The following UNC5C variants were observed in gnomAD, a reference collection of about 807,000 sequenced individuals.
UNC5C encodes netrin receptor UNC5C.
Under a neutral mutation model 99.8 loss-of-function variants are expected in UNC5C, and 47 were observed. The observed-to-expected ratio is 0.47, with a 90% CI of 0.37 to 0.60. UNC5C has a LOEUF of 0.60. Ranked by LOEUF, UNC5C falls within the 20% of genes least tolerant of loss-of-function variation. UNC5C has a pLI of 0.00. For missense variants in UNC5C, 1,062 were observed against 1,165.9 expected (o/e 0.91, Z 1.30); for synonymous variants, 487 against 452.2 (o/e 1.08, Z -0.98).
At chr4:95,365,067 G>A (rs916395099) in intron 1 of UNC5C, among the ~76,000 whole-genome samples, 1 of 151,316 alleles carries the variant, frequency 6.6e-6, no homozygotes, top group African/African-American at 2.4e-5. Context: ...GTCCGAGAAA[G>A]GCGGATCACC....
Position 95,525,596 on chromosome 4 carries a change from T to TAAAAAAAAAAAAAAAA in UNC5C, c.124+23122_124+23137dup, listed in dbSNP as rs574532435. On this transcript the variant is annotated intron_variant, in intron 1 of 15. Coordinates refer to ENST00000453304, the MANE Select transcript of UNC5C (RefSeq NM_003728.4). ...ATAGCAGTGTGCAAAGCCTATTTCT[T>TAAAAAAAAAAAAAAAA]AAAAAAAAAAAAAAAAAAAAAAGAC... Among the ~76,000 whole-genome samples, 828 of 102,048 alleles carry TAAAAAAAAAAAAAAAA rather than the reference T, an allele frequency of 8.1e-3. 35 individuals are homozygous for TAAAAAAAAAAAAAAAA. The highest frequency in any genetic ancestry group is 0.02 in the African/African-American group (505 of 25,222). 66.9% of individuals were successfully genotyped at this position (102,048 alleles called of 152,430 possible).
chr4:95,408,424 T>G (rs1745885396), intron 1 of UNC5C, among the ~76,000 whole-genome samples: 1 of 152,204 alleles, frequency 6.6e-6, no homozygotes, highest in African/African-American at 2.4e-5. Flanking sequence ...AGTGCTTTTG[T>G]CTTTGGAGTC....
At chr4:95,435,115 T>A (rs2149461539) in intron 1 of UNC5C, among the ~76,000 whole-genome samples, 1 of 152,088 alleles carries the variant, frequency 6.6e-6, no homozygotes, top group African/African-American at 2.4e-5. Flanking sequence ...AGAGATAGAG[T>A]ACAAGGAAGC....
rs151217637 is a variant in UNC5C, at chr4:95,525,692, A to G, written c.124+23042T>C. ...GAAGTGTCAAGCAAATAAACTTTAC[A>G]GAAAGTTACTGTCAAGGTTTTCTCT... is the stretch of plus-strand genomic sequence containing the variant. On this transcript the variant is annotated intron_variant, in intron 1 of 15. Coordinates refer to ENST00000453304, the MANE Select transcript of UNC5C (RefSeq NM_003728.4). 1.2e-4 allele frequency among the ~76,000 whole-genome samples: 18 copies of G among 151,598 alleles called. No homozygotes were observed. In the East Asian group the frequency reaches 3.1e-3, roughly 26 times the overall value.
In UNC5C at chr4:95,165,919, A is replaced by G. The variant is rs1045025585; in HGVS notation, c.*3315T>C. The G allele has an allele frequency of 5.3e-5, 8 of 152,240 alleles. No individual in the cohort carries two copies. The highest frequency in any genetic ancestry group is 1.0e-4 in the Non-Finnish European group (7 of 68,040). 9.4% of individuals were successfully genotyped at this position (152,240 alleles called of 1,614,324 possible). A position where few individuals can be genotyped will look rare whatever the true frequency, so the allele number is the denominator to read the frequency against. On this transcript the variant is annotated 3_prime_UTR_variant, in exon 16 of 16. Coordinates refer to ENST00000453304, the MANE Select transcript of UNC5C (RefSeq NM_003728.4). ...ATGTTGTGTATGAATGAGTTGATGT[A>G]CTGGGCTCACAGTGACCTAATATTG...
At chr4:95,449,089 CA>C (rs1560837256) in intron 1 of UNC5C, among the ~76,000 whole-genome samples, 2 of 152,050 alleles carry the variant, frequency 1.3e-5, no homozygotes, top group African/African-American at 4.8e-5. Flanking sequence ...ATTATATCAA[CA>C]AAAAAGACAC....
intron 3 of UNC5C, among the ~76,000 whole-genome samples, chr4:95,299,516 C>CT (rs1443937577): frequency 2.6e-5 from 4 of 152,130 alleles, no homozygotes; most frequent in Non-Finnish European, 5.9e-5. Context: ...GGAATGGAGG[C>CT]AAGATGAGAG....
intron 2 of UNC5C, among the ~76,000 whole-genome samples, chr4:95,312,274 A>G (rs1050498476): frequency 1.3e-5 from 2 of 152,168 alleles, no homozygotes; most frequent in African/African-American, 4.8e-5. Flanking sequence ...GACTAGAGAT[A>G]AAATAGTTGT....
chr4:95,424,405 G>A (rs953247247), intron 1 of UNC5C, among the ~76,000 whole-genome samples: 7 of 151,550 alleles, frequency 4.6e-5, no homozygotes, highest in Admixed American at 1.3e-4. Flanking sequence ...ACTGGCTGAC[G>A]GCTTCATATA....
Position 95,510,972 on chromosome 4 carries a change from T to A in UNC5C, c.124+37762A>T, listed in dbSNP as rs192542020. ...TTCAGGTCCCCATTAGCTAGTGCCC[T>A]GAGAAACGGGTGGAATGATTTCATA... On this transcript the variant is annotated intron_variant, in intron 1 of 15. Coordinates refer to ENST00000453304, the MANE Select transcript of UNC5C (RefSeq NM_003728.4). 1.4e-4 allele frequency among the ~76,000 whole-genome samples: 22 copies of A among 152,258 alleles called. No homozygotes were observed. The East Asian group carries it at 4.2e-3, about 29-fold the overall frequency.
chr4:95,503,004 A>G (rs991235772), intron 1 of UNC5C, among the ~76,000 whole-genome samples: 2 of 152,116 alleles, frequency 1.3e-5, no homozygotes, highest in South Asian at 4.1e-4. Flanking sequence ...AGTGTATTCC[A>G]TATCTTAACT....
chr4:95,542,133 C>T (rs977256740), intron 1 of UNC5C, among the ~76,000 whole-genome samples: 10 of 152,088 alleles, frequency 6.6e-5, no homozygotes, highest in Admixed American at 6.6e-5. Flanking sequence ...AGACTGGTAA[C>T]TCTGGTGTTA....
intron 3 of UNC5C, among the ~76,000 whole-genome samples, chr4:95,289,840 A>C (rs992428271): frequency 1.3e-5 from 2 of 152,190 alleles, no homozygotes; most frequent in Non-Finnish European, 2.9e-5. Context: ...GCATTTATTA[A>C]AAGTGAAAAA....
chr4:95,250,433 A>T (rs1385002013), intron 5 of UNC5C, 54 bp downstream of exon 5: 6 of 1,556,836 alleles, frequency 3.9e-6, no homozygotes, highest in Non-Finnish European at 5.2e-6. Flanking sequence ...ACCGATGCCA[A>T]CGAGAAACTG....
rs200484858 is a variant in UNC5C, at chr4:95,234,737, AG to A, written c.1108+7691del. 8.1e-3 allele frequency among the ~76,000 whole-genome samples: 1,235 copies of A among 152,280 alleles called. 8 individuals are homozygous for A. The highest frequency in any genetic ancestry group is 0.02 in the Middle Eastern group (6 of 294). The stretch of plus-strand genomic sequence containing the variant: ...CCAAGGCATTGATTATCTCCAGCGT[AG>A]GAACTACTTTTTCAGGCCAGTGAGA... On this transcript the variant is annotated intron_variant, in intron 7 of 15. Transcript: ENST00000453304.
Position 95,451,571 on chromosome 4 carries a change from T to A in UNC5C, c.124+97163A>T, listed in dbSNP as rs548847336. ...TATACATTAAGGAAATAAAAACATA[T>A]CCTAACATTTGCTAAATTTCAAGTT... On this transcript the variant is annotated intron_variant, in intron 1 of 15. Coordinates refer to ENST00000453304, the MANE Select transcript of UNC5C (RefSeq NM_003728.4). 2.0e-5 allele frequency among the ~76,000 whole-genome samples: 3 copies of A among 152,262 alleles called. No homozygotes were observed. The South Asian group carries it at 6.2e-4, about 32-fold the overall frequency.
chr4:95,393,007 G>T (rs2149445644), intron 1 of UNC5C, among the ~76,000 whole-genome samples: 1 of 152,178 alleles, frequency 6.6e-6, no homozygotes, highest in Non-Finnish European at 1.5e-5. Flanking sequence ...CAGCATGCAT[G>T]GTATTAGATG....
At chr4:95,500,246 T>C (rs566287816) in intron 1 of UNC5C, among the ~76,000 whole-genome samples, 7 of 152,158 alleles carry the variant, frequency 4.6e-5, no homozygotes, top group African/African-American at 1.7e-4. Flanking sequence ...AACGAATAAA[T>C]AGTTAGATGG....
At chr4:95,365,079 G>A (rs1203457340) in intron 1 of UNC5C, among the ~76,000 whole-genome samples, 1 of 151,392 alleles carries the variant, frequency 6.6e-6, no homozygotes. Flanking sequence ...CGGATCACCT[G>A]AGGTCAAGAG....
Sources: gnomAD v4.1 joint callset for allele counts (sites outside exome capture counted in the v4.1 genomes callset) on GRCh38, gnomAD v4.1.1 for gene constraint, MANE v1.5 for transcripts, NCBI Gene and HGNC (gene_info 2026-07-23, HGNC 2026-07-21) for gene names.